PAX5: variants seen among roughly 807,000 people sequenced by gnomAD.
PAX5 encodes paired box 5.
In PAX5, 9 loss-of-function variants were observed where a neutral mutation model predicts 43.7. The ratio of observed to expected loss-of-function variants is 0.21; its 90% CI spans 0.12 to 0.36. The LOEUF is 0.36. PAX5 is among the 10% of genes least tolerant of loss of function. The pLI is 1.00. For synonymous variants in PAX5, 228 were observed against 214.3 expected (o/e 1.06, Z -0.56); for missense variants, 383 against 532.7 (o/e 0.72, Z 2.77).
chr9:36,988,244 G>A (rs1356832039), intron 5 of PAX5, among the ~76,000 whole-genome samples: 2 of 152,132 alleles, frequency 1.3e-5, no homozygotes, highest in African/African-American at 2.4e-5. Flanking sequence ...CCTCAGCTAC[G>A]ACTTGAATTA....
chr9:36,846,763 G>T (rs796810132), intron 9 of PAX5, 80 bp downstream of exon 9: 3 of 995,028 alleles, frequency 3.0e-6, no homozygotes, highest in Admixed American at 2.0e-5. Context: ...TCAGGATGTC[G>T]AGGGACCCAG....
At chr9:36,957,747 C>T (rs1455321671) in intron 6 of PAX5, among the ~76,000 whole-genome samples, 1 of 152,158 alleles carries the variant, frequency 6.6e-6, no homozygotes, top group African/African-American at 2.4e-5. Context: ...GCGCATCCAG[C>T]CTACCATCTC....
chr9:36,931,693 A>T (rs1008779522), intron 6 of PAX5, among the ~76,000 whole-genome samples: 4 of 151,856 alleles, frequency 2.6e-5, no homozygotes, highest in South Asian at 2.1e-4. Flanking sequence ...TACTATAAAT[A>T]AAAAAATCAG....
chr9:36,847,343 A>C (rs964246303), intron 8 of PAX5, among the ~76,000 whole-genome samples: 1 of 152,150 alleles, frequency 6.6e-6, no homozygotes, highest in Non-Finnish European at 1.5e-5. Context: ...GAGTGAAGCC[A>C]ATCCAGGACC....
At position 37,014,990 on chromosome 9, in the gene PAX5, C is replaced by T. The variant is rs1839273973; in HGVS notation, c.410+7G>A. ...ATCCCCAACCCCCACAGGCACGAGCCCCTCACCTGTTGATGGAACTGACGC... is the reference window on the plus strand; with the variant it reads ...ATCCCCAACCCCCACAGGCACGAGCTCCTCACCTGTTGATGGAACTGACGC... On this transcript the variant is annotated splice_region_variant and intron_variant, in intron 3 of 9. Coordinates refer to ENST00000358127, the MANE Select transcript of PAX5 (RefSeq NM_016734.3). The T allele has an allele frequency of 6.2e-7, 1 of 1,612,514 alleles. No homozygotes were observed. Among genetic ancestry groups the T allele is most frequent in the East Asian group, 2.2e-5 (1 of 44,876 alleles).
In PAX5 at chr9:36,973,171, A is replaced by C. The variant is rs542737310; in HGVS notation, c.605-6447T>G. ...AAAGGAAAGGAAAGGAAAGGAAAGG[A>C]AAGGAAAGGAAAGGAAAAACTGTGA... On this transcript the variant is annotated intron_variant, in intron 5 of 9. Coordinates refer to ENST00000358127, the MANE Select transcript of PAX5 (RefSeq NM_016734.3). 3.9e-5 allele frequency among the ~76,000 whole-genome samples: 5 copies of C among 128,336 alleles called. No homozygotes were observed. In the East Asian group the frequency reaches 1.3e-3, roughly 32 times the overall value. 84.2% of individuals were successfully genotyped at this position (128,336 alleles called of 152,430 possible).
chr9:36,849,427 G>T (rs950269512), intron 8 of PAX5, among the ~76,000 whole-genome samples: 3 of 152,198 alleles, frequency 2.0e-5, no homozygotes, highest in Admixed American at 6.5e-5. Context: ...TAAGCTCCAT[G>T]GGGGCAGGGA....
intron 6 of PAX5, among the ~76,000 whole-genome samples, chr9:36,932,459 C>G (rs2132018537): frequency 6.6e-6 from 1 of 152,286 alleles, no homozygotes; most frequent in South Asian, 2.1e-4. Flanking sequence ...ATCTCAAAAG[C>G]ATTATGCTAG....
chr9:36,892,729 G>A (rs1185191224), intron 7 of PAX5, among the ~76,000 whole-genome samples: 1 of 152,232 alleles, frequency 6.6e-6, no homozygotes, highest in Non-Finnish European at 1.5e-5. Flanking sequence ...AATCCTTATT[G>A]CTGGGATAAA....
rs1275775352 is a variant in PAX5, at chr9:37,011,147, A to AG, written c.410+3849dup. On this transcript the variant is annotated intron_variant, in intron 3 of 9. Coordinates refer to ENST00000358127, the MANE Select transcript of PAX5 (RefSeq NM_016734.3). ...AAAAAACAAAAAAAAAAAAAAAAAAAGAAAGAGGAAATGGATAAACAATCT... is the reference window on the plus strand; with the variant it reads ...AAAAAACAAAAAAAAAAAAAAAAAAAGGAAAGAGGAAATGGATAAACAATCT... Among the ~76,000 whole-genome samples the AG allele has an allele frequency of 1.3e-4, 19 of 150,198 alleles. No individual in the cohort carries two copies. The East Asian group carries it at 3.5e-3, about 28-fold the overall frequency.
intron 5 of PAX5, among the ~76,000 whole-genome samples, chr9:36,978,083 C>T (rs933567050): frequency 6.6e-6 from 1 of 152,240 alleles, no homozygotes; most frequent in Non-Finnish European, 1.5e-5. Flanking sequence ...TTGAAGCTCT[C>T]ATGGTGTTGG....
chr9:36,943,567 C>CACACACAA (rs1563994169), intron 6 of PAX5, among the ~76,000 whole-genome samples: 1 of 151,308 alleles, frequency 6.6e-6, no homozygotes, highest in Non-Finnish European at 1.5e-5. Context: ...CACACACACA[C>CACACACAA]AGCTACATAT....
chr9:36,983,512 A>G (rs376999028), intron 5 of PAX5, among the ~76,000 whole-genome samples: 2 of 152,294 alleles, frequency 1.3e-5, no homozygotes, highest in South Asian at 2.1e-4. Context: ...TATTTTTTAA[A>G]TTATGTGTAT....
rs1473791141 is a variant in PAX5, at chr9:37,003,678, T to A, written c.476-902A>T. Among the ~76,000 whole-genome samples, 6 of 151,266 alleles carry A rather than the reference T, an allele frequency of 4.0e-5. No individual in the cohort carries two copies. In the East Asian group the frequency reaches 1.2e-3, roughly 29 times the overall value. ...CATAGCAAGACCTACCAAAAAACTT[T>A]AAAAAAAAATTAGCCAGGTGTGGTG... is the stretch of plus-strand genomic sequence containing the variant. On this transcript the variant is annotated intron_variant, in intron 4 of 9. Transcript: ENST00000358127.
At chr9:36,928,420 T>C (rs888098437) in intron 6 of PAX5, among the ~76,000 whole-genome samples, 5 of 152,224 alleles carry the variant, frequency 3.3e-5, no homozygotes, top group African/African-American at 1.2e-4. Context: ...CTCTCCCTTG[T>C]CTATGCTTCC....
At chr9:36,982,273 A>T (rs1157479193) in intron 5 of PAX5, among the ~76,000 whole-genome samples, 1 of 152,076 alleles carries the variant, frequency 6.6e-6, no homozygotes, top group Non-Finnish European at 1.5e-5. Context: ...CAAAAAAAAT[A>T]AAAAAATAAA....
intron 5 of PAX5, among the ~76,000 whole-genome samples, chr9:36,989,406 C>T (rs1836738470): frequency 6.6e-6 from 1 of 152,228 alleles, no homozygotes; most frequent in South Asian, 2.1e-4. Flanking sequence ...TTGTCTCACT[C>T]TCTCTGTATC....
At chr9:37,027,584 G>T (rs956881612) in intron 1 of PAX5, among the ~76,000 whole-genome samples, 1 of 152,232 alleles carries the variant, frequency 6.6e-6, no homozygotes, top group African/African-American at 2.4e-5. Flanking sequence ...TGGAGCCGCA[G>T]TCGGCTCTGA....
intron 6 of PAX5, among the ~76,000 whole-genome samples, chr9:36,960,573 G>A (rs530100993): frequency 4.3e-4 from 66 of 152,294 alleles, no homozygotes; most frequent in Middle Eastern, 3.4e-3. Context: ...GAGATCCAAC[G>A]GTAGTCGCAG....
Sources: allele counts gnomAD v4.1 joint callset (sites outside exome capture counted in the v4.1 genomes callset), GRCh38; gene constraint gnomAD v4.1.1; transcripts MANE v1.5; gene names NCBI Gene and HGNC (gene_info 2026-07-23, HGNC 2026-07-21).